The following ZFPM2 variants were observed in gnomAD, a reference collection of about 807,000 sequenced individuals.
ZFPM2 encodes the protein zinc finger protein ZFPM2.
ZFPM2 carries 20 observed loss-of-function variants against 98.6 expected under a neutral mutation model. The ratio of observed to expected loss-of-function variants is 0.20; its 90% confidence interval spans 0.14 to 0.29. ZFPM2 has a LOEUF of 0.29. ZFPM2 is among the 10% of genes least tolerant of loss of function. The pLI is 1.00. For missense variants in ZFPM2, 1,310 were observed against 1,388.6 expected, an observed-to-expected ratio of 0.94 and a Z score of 0.90; for synonymous variants, 518 against 502.7, an observed-to-expected ratio of 1.03 and a Z score of -0.41.
At chr8:105,632,584 A>G (rs1816774194) in intron 4 of ZFPM2, among the ~76,000 whole-genome samples, 1 of 152,222 alleles carries the variant, frequency 6.6e-6, no homozygotes, top group African/African-American at 2.4e-5. Flanking sequence ...TTCATATAGA[A>G]CAAGTTTGTT....
At chr8:105,587,932 G>A (rs1015647972) in intron 4 of ZFPM2, among the ~76,000 whole-genome samples, 2 of 152,038 alleles carry the variant, frequency 1.3e-5, no homozygotes, top group Non-Finnish European at 2.9e-5. Context: ...ATTGCCCCTA[G>A]CTGAGAACCG....
rs1452191508 is a variant in ZFPM2, at chr8:105,804,207, C to T, written c.*669C>T. ...CTTGTATAGTACTTGTATTTTCTTT[C>T]GCTGATGCAGCTCTGTCTCAATTTT... On this transcript the variant is annotated 3_prime_UTR_variant, in exon 8 of 8. Transcript: ENST00000407775. The T allele has an allele frequency of 2.6e-5, 4 of 152,414 alleles. No homozygotes were observed. Among genetic ancestry groups the T allele is most frequent in the South Asian group, 2.1e-4 (1 of 4,824 alleles). 9.4% of individuals were successfully genotyped at this position (152,414 alleles called of 1,614,324 possible).
chr8:105,646,644 G>A (rs1216613453), intron 5 of ZFPM2, among the ~76,000 whole-genome samples: 1 of 152,104 alleles, frequency 6.6e-6, no homozygotes, highest in Non-Finnish European at 1.5e-5. Context: ...ATAGGCTGAT[G>A]ACAATCCATT....
intron 1 of ZFPM2, among the ~76,000 whole-genome samples, chr8:105,357,566 T>A (rs1812771695): frequency 6.6e-6 from 1 of 152,216 alleles, no homozygotes; most frequent in South Asian, 2.1e-4. Flanking sequence ...GGAGACATTA[T>A]TGAATATTTT....
intron 1 of ZFPM2, among the ~76,000 whole-genome samples, chr8:105,402,196 C>T (rs1811354798): frequency 6.6e-6 from 1 of 151,852 alleles, no homozygotes; most frequent in African/African-American, 2.4e-5. Flanking sequence ...AAAATCTTGC[C>T]TGTTGTTTCA....
chr8:105,786,123 T>C (rs1813411494), intron 5 of ZFPM2, among the ~76,000 whole-genome samples: 1 of 151,654 alleles, frequency 6.6e-6, no homozygotes, highest in Non-Finnish European at 1.5e-5. Context: ...CTGGGGTGAC[T>C]TTTCTATAAT....
chr8:105,706,575 G>T (rs1383701596), intron 5 of ZFPM2, among the ~76,000 whole-genome samples: 1 of 151,900 alleles, frequency 6.6e-6, no homozygotes, highest in African/African-American at 2.4e-5. Flanking sequence ...GATTCCTCTT[G>T]TTTCTTGTTT....
At chr8:105,348,015 G>C (rs1172655804) in intron 1 of ZFPM2, among the ~76,000 whole-genome samples, 3 of 152,134 alleles carry the variant, frequency 2.0e-5, no homozygotes, top group African/African-American at 7.2e-5. Context: ...TGAGGACATT[G>C]AGAATACATT....
chr8:105,673,864 G>A (rs1051990660), intron 5 of ZFPM2, among the ~76,000 whole-genome samples: 2 of 152,184 alleles, frequency 1.3e-5, no homozygotes, highest in African/African-American at 4.8e-5. Flanking sequence ...TGGGAAACTG[G>A]CTGGATGAAT....
At chr8:105,543,729 C>T (rs1814630541) in intron 3 of ZFPM2, among the ~76,000 whole-genome samples, 1 of 152,058 alleles carries the variant, frequency 6.6e-6, no homozygotes, top group African/African-American at 2.4e-5. Flanking sequence ...CCTTCTGTCC[C>T]TCCATTCCTT....
intron 3 of ZFPM2, among the ~76,000 whole-genome samples, chr8:105,484,145 T>C (rs1344530315): frequency 1.3e-5 from 2 of 152,170 alleles, no homozygotes; most frequent in African/African-American, 4.8e-5. Context: ...TTGCCAAATA[T>C]AATGATTCAT....
chr8:105,533,833 C>T (rs189846711), intron 3 of ZFPM2, among the ~76,000 whole-genome samples: 2 of 21,544 alleles, frequency 9.3e-5, no homozygotes, highest in African/African-American at 7.6e-4. Flanking sequence ...CTTCCTCCCT[C>T]CCTCCCTCTT....
chr8:105,376,615 T>C (rs1191925558), intron 1 of ZFPM2, among the ~76,000 whole-genome samples: 2 of 152,194 alleles, frequency 1.3e-5, no homozygotes, highest in African/African-American at 4.8e-5. Context: ...TCAGCCAATT[T>C]CATCAACATA....
intron 5 of ZFPM2, among the ~76,000 whole-genome samples, chr8:105,648,022 C>T (rs957080113): frequency 5.3e-5 from 8 of 152,306 alleles, no homozygotes; most frequent in African/African-American, 1.9e-4. Context: ...TATTTCTCCA[C>T]ATCCTCTCCA....
intron 5 of ZFPM2, among the ~76,000 whole-genome samples, chr8:105,712,606 A>T (rs966953444): frequency 6.6e-6 from 1 of 151,844 alleles, no homozygotes; most frequent in Non-Finnish European, 1.5e-5. Context: ...TGGTAGGTTT[A>T]TTTTAAGGTT....
At chr8:105,428,387 TAAG>T (rs1297288914) in intron 2 of ZFPM2, among the ~76,000 whole-genome samples, 1 of 152,336 alleles carries the variant, frequency 6.6e-6, no homozygotes, top group Non-Finnish European at 1.5e-5. Flanking sequence ...CATTTTGTAA[TAAG>T]AGGAGTTGAG....
At chr8:105,416,046 G>A (rs1021006146) in intron 1 of ZFPM2, among the ~76,000 whole-genome samples, 2 of 151,686 alleles carry the variant, frequency 1.3e-5, no homozygotes, top group Non-Finnish European at 2.9e-5. Flanking sequence ...GCTTGGAATT[G>A]CAAAGGAATA....
At chr8:105,741,118 C>A (rs1490031338) in intron 5 of ZFPM2, among the ~76,000 whole-genome samples, 2 of 151,942 alleles carry the variant, frequency 1.3e-5, no homozygotes, top group African/African-American at 4.8e-5. Context: ...GAAGAGCAGT[C>A]AGTGAAGGTA....
intron 5 of ZFPM2, among the ~76,000 whole-genome samples, chr8:105,759,580 T>TTGTGTGTGTGTGTGTG (rs5893760): frequency 5.4e-5 from 8 of 146,890 alleles, no homozygotes; most frequent in Admixed American, 2.0e-4. Flanking sequence ...TTGATAATCC[T>TTGTGTGTGTGTGTGTG]TGTGTGTGTG....
Sources: allele counts gnomAD v4.1 joint callset (sites outside exome capture counted in the v4.1 genomes callset), GRCh38; gene constraint gnomAD v4.1.1; transcripts MANE v1.5; gene names NCBI Gene and HGNC (gene_info 2026-07-23, HGNC 2026-07-21).